Variants in RADX observed in about 807,000 individuals in gnomAD.
The protein encoded by RADX is RPA-related protein RADX.
In RADX, 36 loss-of-function variants were observed where a neutral mutation model predicts 61.6. That is an observed-to-expected ratio of 0.58 (90% CI 0.45 to 0.77). The LOEUF is 0.77. Among genes scored for constraint, RADX ranks in the 30% least tolerant of loss-of-function variants. The pLI is 0.00. For missense variants in RADX, 497 were observed against 651.1 expected (o/e 0.76, Z 2.58); for synonymous variants, 272 against 237.9 (o/e 1.14, Z -1.32).
Position 106,648,322 on chromosome X carries a change from A to G in RADX, c.1914A>G (p.Val638=), listed in dbSNP as rs1927712817. ...TTCTTATCCTTTATAGAGTTGCTGT[A>G]CCTCAACCAGGAGCTTCTGTACAAA... ...LQGPHANPVA[V]PQPGASVQTK... is the part of the protein sequence containing the mutation. The change falls in exon 11 of 14, where the codon GTA becomes GTG. Residue 638 remains valine (V), a synonymous_variant. Transcript: ENST00000372548. The G allele has an allele frequency of 8.4e-7, 1 of 1,190,907 alleles. No individual in the cohort carries two copies. The highest frequency in any genetic ancestry group is 3.0e-5 in the East Asian group (1 of 33,551).
chrX:106,621,925 G>GT (rs368340491), intron 1 of RADX, among the ~76,000 whole-genome samples: 2,201 of 89,872 alleles, frequency 0.024, 28 homozygotes, highest in East Asian at 0.053. Flanking sequence ...CAATTCTATG[G>GT]TTTTTTTTTT....
chrX:106,665,401 G>A (rs890280381), intron 12 of RADX, among the ~76,000 whole-genome samples: 1 of 111,775 alleles, frequency 8.9e-6, no homozygotes. Context: ...AAAACTTTAT[G>A]TACACTAAAA....
chrX:106,662,152 A>G lies in RADX; in HGVS notation c.2116A>G (p.Ile706Val). ...LHYSRVYPES[I>V]PRKFMFEHRK... The stretch of plus-strand genomic sequence containing the variant: ...CTACAGCCGTGTTTATCCTGAAAGT[A>G]TTCCACGGAAATTTATGTTTGAACA... Residue 706 changes from isoleucine to valine, a missense_variant, in exon 12 of 14, where the codon ATT becomes GTT. Physicochemically the swap from Ile to Val is conservative, Grantham distance 29. Around this residue, in one of 3 missense-constraint regions of RADX, gnomAD observed 267 missense variants for 306.9 expected, o/e 0.87. Transcript: ENST00000372548. 8.3e-7 allele frequency: 1 copy of G among 1,210,900 alleles called. No individual in the cohort carries two copies. The highest frequency in any genetic ancestry group is 1.1e-6 in the Non-Finnish European group (1 of 895,204).
intron 11 of RADX, among the ~76,000 whole-genome samples, chrX:106,656,651 C>T (rs745832786): frequency 3.4e-4 from 38 of 111,850 alleles, no homozygotes; most frequent in Non-Finnish European, 4.5e-4. Context: ...CAACATTGAA[C>T]TCCTTGATGG....
intron 10 of RADX, among the ~76,000 whole-genome samples, chrX:106,642,546 T>G (rs1372057820): frequency 1.8e-5 from 2 of 111,889 alleles, no homozygotes; most frequent in Non-Finnish European, 3.8e-5. Context: ...CTTAACATAA[T>G]GATCTCCAGT....
rs1328907862 is a variant in RADX at position 106,622,797 on chromosome X, C to T, written c.786+4C>T. 1.8e-6 allele frequency: 2 copies of T among 1,097,542 alleles called. No homozygotes were observed. The highest frequency in any genetic ancestry group is 2.7e-5 in the Admixed American group (1 of 36,436). The allele number at this position is 1,097,542 out of a possible 1,213,427, so 90.4% of individuals were successfully genotyped here. A position where few individuals can be genotyped will look rare whatever the true frequency, so the allele number is the denominator to read the frequency against. ...AAAGATGATTGAACCATATCAGGTA[C>T]AAGTAATAAGATATCATATGTTAAT... On this transcript the variant is annotated splice_donor_region_variant and intron_variant, in intron 2 of 13. Coordinates refer to ENST00000372548, the MANE Select transcript of RADX (RefSeq NM_018015.6).
At position 106,640,633 on chromosome X, in the gene RADX, C is replaced by T; in HGVS notation, c.1816C>T (p.Pro606Ser). ...RNGKRHQDDE[P>S]VNSQYFQTTS... The stretch of plus-strand genomic sequence containing the variant: ...TGGTAAACGGCATCAAGATGATGAG[C>T]CTGTGAATTCTCAGTATTTCCAAAC... Residue 606 changes from proline (P) to serine (S), a missense_variant, in exon 10 of 14, where the codon CCT (proline) becomes TCT (serine). Pro to Ser is a moderately conservative substitution (Grantham distance 74). This residue lies in a region of RADX where 267 missense variants were observed against 306.9 expected (regional missense o/e 0.87). Transcript: ENST00000372548. 9.2e-6 allele frequency: 11 copies of T among 1,189,373 alleles called. No homozygotes were observed. The highest frequency in any genetic ancestry group is 1.3e-5 in the Non-Finnish European group (11 of 877,184).
chrX:106,656,173 C>G (rs897665108), intron 11 of RADX, among the ~76,000 whole-genome samples: 2 of 111,932 alleles, frequency 1.8e-5, no homozygotes, highest in Admixed American at 9.5e-5. Flanking sequence ...GATTCAATCT[C>G]AAAAAAACCA....
intron 13 of RADX, among the ~76,000 whole-genome samples, chrX:106,669,722 T>G (rs1247535822): frequency 1.8e-5 from 2 of 111,553 alleles, no homozygotes; most frequent in Non-Finnish European, 3.8e-5. Context: ...TACAGTAAAA[T>G]TATTCTCTCT....
intron 1 of RADX, 150 bp downstream of exon 1, chrX:106,612,873 G>T (rs1926713228): frequency 3.8e-6 from 2 of 528,169 alleles, no homozygotes; most frequent in Admixed American, 9.2e-5. Context: ...ACCAAGGGAT[G>T]CTCAATGAAA....
rs751121058 is a variant in RADX at position 106,636,501 on chromosome X, T to C, written c.1304-42T>C. The C allele has an allele frequency of 1.3e-5, 11 of 815,867 alleles. No homozygotes were observed. In the South Asian group the frequency reaches 2.3e-4, roughly 17 times the overall value. 67.2% of individuals were successfully genotyped at this position (815,867 alleles called of 1,213,427 possible). On this transcript the variant is annotated intron_variant, in intron 6 of 13. Coordinates refer to ENST00000372548, the MANE Select transcript of RADX (RefSeq NM_018015.6). The stretch of plus-strand genomic sequence containing the variant: ...AGATCCTGATCTTGTTATGTCCTAT[T>C]TGAAATGGAAAAGTAATTTCATAAG...
intron 10 of RADX, among the ~76,000 whole-genome samples, chrX:106,640,952 A>G (rs1332065697): frequency 9.1e-6 from 1 of 110,232 alleles, no homozygotes; most frequent in Non-Finnish European, 1.9e-5. Flanking sequence ...GCGAGAGAGA[A>G]TCTGTTCAAT....
intron 11 of RADX, among the ~76,000 whole-genome samples, chrX:106,653,011 T>C (rs1927836619): frequency 9.6e-6 from 1 of 104,317 alleles, no homozygotes; most frequent in Non-Finnish European, 2.0e-5. Context: ...ACCTGTAAAC[T>C]TAGAATTCTA....
chrX:106,663,758 C>A (rs2147639446), intron 12 of RADX, among the ~76,000 whole-genome samples: 1 of 111,013 alleles, frequency 9.0e-6, no homozygotes, highest in East Asian at 2.8e-4. Context: ...ACTTATATAC[C>A]CACAACATTA....
chrX:106,627,142 T>C (rs1334005782), intron 3 of RADX, among the ~76,000 whole-genome samples: 2 of 111,949 alleles, frequency 1.8e-5, no homozygotes, highest in Admixed American at 1.9e-4. Context: ...CTTGGGGAGC[T>C]TTAAAGAGCC....
intron 13 of RADX, among the ~76,000 whole-genome samples, chrX:106,673,619 G>A (rs1249504635): frequency 9.2e-6 from 1 of 108,458 alleles, no homozygotes; most frequent in Non-Finnish European, 1.9e-5. Context: ...AGGGAGGGGT[G>A]ATGCCAGCAC....
intron 12 of RADX, among the ~76,000 whole-genome samples, chrX:106,665,816 G>T (rs1208592501): frequency 8.9e-6 from 1 of 111,794 alleles, no homozygotes; most frequent in Non-Finnish European, 1.9e-5. Context: ...CCTCTGACTG[G>T]AAGGGTGAAT....
Position 106,612,439 on chromosome X carries a change from A to G in RADX, c.359A>G (p.Gln120Arg). 5.8e-6 allele frequency: 7 copies of G among 1,211,811 alleles called. No individual in the cohort carries two copies. The highest frequency in any genetic ancestry group is 7.8e-6 in the Non-Finnish European group (7 of 895,498). ...LDPSLNSLVY[Q>R]NILKVGIQMR... ...CCCAGCTTGAACTCTCTCGTATATC[A>G]AAATATTCTTAAAGTTGGCATTCAA... Residue 120 changes from glutamine to arginine, a missense_variant, in exon 1 of 14, where the codon CAA (glutamine) becomes CGA (arginine). Around this residue, in one of 3 missense-constraint regions of RADX, gnomAD observed 196 missense variants for 315.0 expected, o/e 0.62. Coordinates refer to ENST00000372548, the MANE Select transcript of RADX (RefSeq NM_018015.6).
At chrX:106,640,517 A>T in intron 9 of RADX, 35 bp from the exon 10 acceptor site, 1 of 1,029,152 alleles carries the variant, frequency 9.7e-7, no homozygotes, top group Non-Finnish European at 1.3e-6. Flanking sequence ...ATTGTGAATT[A>T]GCCTAAAGTG....
Sources: allele counts gnomAD v4.1 joint callset (sites outside exome capture counted in the v4.1 genomes callset), GRCh38; gene constraint gnomAD v4.1.1; regional missense constraint gnomAD v4.1.1; transcripts MANE v1.5; gene names NCBI Gene and HGNC (gene_info 2026-07-23, HGNC 2026-07-21).